The following SCHIP1 variants were observed in gnomAD, a reference collection of about 807,000 sequenced individuals.
SCHIP1 encodes schwannomin interacting protein 1, also known as schwannomin-interacting protein 1.
A neutral mutation model predicts 29.7 loss-of-function variants in SCHIP1; 8 were observed. The ratio of observed to expected loss-of-function variants is 0.27; its 90% CI spans 0.16 to 0.49. SCHIP1 has a LOEUF of 0.49. Among genes scored for constraint, SCHIP1 ranks in the 20% least tolerant of loss-of-function variants. The pLI is 0.99. For missense variants in SCHIP1, 193 were observed against 294.6 expected (o/e 0.66, Z 2.52); for synonymous variants, 76 against 94.9 (o/e 0.80, Z 1.16).
At chr3:159,301,071 A>G in the SCHIP1 span, among the ~76,000 whole-genome samples, 864 of 152,326 alleles carry the variant, frequency 5.7e-3, 5 homozygotes, top group African/African-American at 0.02. Context: ...GCACATATTG[A>G]TAGTACATAG....
chr3:159,730,984 C>G, the SCHIP1 span, among the ~76,000 whole-genome samples: 2 of 152,154 alleles, frequency 1.3e-5, no homozygotes, highest in Non-Finnish European at 2.9e-5. Context: ...TATGGAGTGG[C>G]CTTTGTCCTT....
At chr3:159,791,977 T>A in the SCHIP1 span, among the ~76,000 whole-genome samples, 7 of 152,226 alleles carry the variant, frequency 4.6e-5, no homozygotes, top group African/African-American at 1.2e-4. Flanking sequence ...TGACATTTTT[T>A]AAAAAGTCAT....
the SCHIP1 span, among the ~76,000 whole-genome samples, chr3:159,471,365 A>G: frequency 1.3e-5 from 2 of 152,166 alleles, no homozygotes; most frequent in African/African-American, 4.8e-5. Context: ...AAAATGAGGA[A>G]GAGAAAGATT....
At chr3:159,557,216 C>CA in the SCHIP1 span, among the ~76,000 whole-genome samples, 3 of 150,522 alleles carry the variant, frequency 2.0e-5, no homozygotes, top group South Asian at 2.1e-4. Context: ...CTCAGCCTCC[C>CA]AAAAAAAAGA....
At chr3:159,413,549 T>C in the SCHIP1 span, among the ~76,000 whole-genome samples, 2 of 152,064 alleles carry the variant, frequency 1.3e-5, no homozygotes, top group Non-Finnish European at 1.5e-5. Context: ...TGGGGATGAG[T>C]GGTAAACACA....
chr3:159,282,696 C>T, the SCHIP1 span: 7 of 144,546 alleles, frequency 4.8e-5, no homozygotes, highest in East Asian at 2.2e-4. Flanking sequence ...TGTAGTAGTT[C>T]GTAGCAGAGA....
the SCHIP1 span, among the ~76,000 whole-genome samples, chr3:159,680,579 C>CTATATATAATATATGTATAATATATATTA: frequency 3.1e-5 from 3 of 98,010 alleles, no homozygotes; most frequent in African/African-American, 1.3e-4. Flanking sequence ...TATAATATAT[C>CTATATATAATATATGTATAATATATATTA]TATATATAAT....
At chr3:159,851,029 T>G (rs1365447732) in intron 1 of SCHIP1, among the ~76,000 whole-genome samples, 3 of 152,208 alleles carry the variant, frequency 2.0e-5, no homozygotes, top group Non-Finnish European at 4.4e-5. Context: ...ATCTCAGTAC[T>G]TTTGGAGGCC....
intron 2 of SCHIP1, among the ~76,000 whole-genome samples, chr3:159,885,266 C>T (rs1006883883): frequency 6.6e-6 from 1 of 152,160 alleles, no homozygotes; most frequent in African/African-American, 2.4e-5. Context: ...TGCGTAGGAA[C>T]CTCCTTTTGC....
upstream of SCHIP1, among the ~76,000 whole-genome samples, chr3:159,838,171 C>T (rs972641553): frequency 1.3e-5 from 2 of 152,104 alleles, no homozygotes; most frequent in East Asian, 1.9e-4. Context: ...TCAAGGGAGT[C>T]GAATTGAGAT....
the SCHIP1 span, among the ~76,000 whole-genome samples, chr3:159,388,644 C>T: frequency 3.9e-5 from 6 of 152,084 alleles, no homozygotes; most frequent in Non-Finnish European, 7.4e-5. Context: ...TTGAGGGACA[C>T]TTGCCTTTCC....
the SCHIP1 span, among the ~76,000 whole-genome samples, chr3:159,713,782 C>T: frequency 2.0e-5 from 3 of 152,150 alleles, no homozygotes; most frequent in Admixed American, 1.3e-4. Context: ...GAATAGGTGG[C>T]CTCTCCAAAA....
the SCHIP1 span, among the ~76,000 whole-genome samples, chr3:159,626,298 A>T: frequency 1.5e-5 from 2 of 133,006 alleles, no homozygotes; most frequent in East Asian, 2.4e-4. Context: ...ATAGATAGAT[A>T]GATTTTTTTT....
At chr3:159,392,457 CCCCCTCA>C in the SCHIP1 span, among the ~76,000 whole-genome samples, 1 of 145,822 alleles carries the variant, frequency 6.9e-6, no homozygotes, top group African/African-American at 2.6e-5. Context: ...GCTATCCCTC[CCCCCTCA>C]CCCCACCCCA....
At chr3:159,668,447 C>T in the SCHIP1 span, among the ~76,000 whole-genome samples, 4 of 150,448 alleles carry the variant, frequency 2.7e-5, no homozygotes, top group Non-Finnish European at 5.9e-5. Context: ...ACACAGTAGG[C>T]ATTCAAGAAA....
the SCHIP1 span, among the ~76,000 whole-genome samples, chr3:159,393,264 G>T: frequency 6.6e-6 from 1 of 152,076 alleles, no homozygotes; most frequent in African/African-American, 2.4e-5. Flanking sequence ...TTTGTAGGTT[G>T]CCTGTTCACT....
the SCHIP1 span, among the ~76,000 whole-genome samples, chr3:159,346,281 T>TAAA: frequency 8.0e-6 from 1 of 125,458 alleles, no homozygotes; most frequent in Admixed American, 8.0e-5. Flanking sequence ...TTTTTTTTCT[T>TAAA]AAAAAAAAAA....
At chr3:159,702,687 T>G in the SCHIP1 span, among the ~76,000 whole-genome samples, 2 of 152,386 alleles carry the variant, frequency 1.3e-5, no homozygotes, top group East Asian at 3.9e-4. Flanking sequence ...ATTTAGGATC[T>G]GATACTAGTT....
chr3:159,873,994 T>C (rs1176201342), intron 2 of SCHIP1, among the ~76,000 whole-genome samples: 1 of 152,204 alleles, frequency 6.6e-6, no homozygotes, highest in Non-Finnish European at 1.5e-5. Flanking sequence ...ATTAAAGGAA[T>C]AGAAACAGGC....
Sources: gnomAD v4.1 joint callset for allele counts (sites outside exome capture counted in the v4.1 genomes callset) on GRCh38, gnomAD v4.1.1 for gene constraint, MANE v1.5 for transcripts, NCBI Gene and HGNC (gene_info 2026-07-23, HGNC 2026-07-21) for gene names.